Variants in ZFYVE9 observed in about 807,000 individuals in gnomAD.
ZFYVE9 encodes zinc finger FYVE-type containing 9, also known as zinc finger FYVE domain-containing protein 9.
In ZFYVE9, 43 loss-of-function variants were observed where a neutral mutation model predicts 126.7. That is an observed-to-expected ratio of 0.34 (90% confidence interval 0.27 to 0.44). The LOEUF is 0.44. Ranked by LOEUF, ZFYVE9 falls within the 20% of genes least tolerant of loss-of-function variation. The pLI, the probability that ZFYVE9 is intolerant of heterozygous loss-of-function variation, is 1.00. For missense variants in ZFYVE9, 1,476 were observed against 1,697.0 expected, an observed-to-expected ratio of 0.87 and a Z score of 2.29; for synonymous variants, 521 against 597.4, an observed-to-expected ratio of 0.87 and a Z score of 1.87.
rs768192776 is a variant in ZFYVE9, at chr1:52,340,090, A to G, written c.3834-36A>G. The G allele has an allele frequency of 1.5e-5, 24 of 1,563,508 alleles. No individual in the cohort carries two copies. The South Asian group carries it at 1.9e-4, about 12-fold the overall frequency. On this transcript the variant is annotated intron_variant, in intron 16 of 18. Transcript: ENST00000287727. ...AGGAAAAATGGCTTTTCTAACTTCAAGAGCTGCTTCTATCTTTCCTTTGCC... is the reference window on the plus strand; with the variant it reads ...AGGAAAAATGGCTTTTCTAACTTCAGGAGCTGCTTCTATCTTTCCTTTGCC...
At chr1:52,213,309 T>A (rs1316904347) in intron 1 of ZFYVE9, among the ~76,000 whole-genome samples, 1 of 152,238 alleles carries the variant, frequency 6.6e-6, no homozygotes, top group African/African-American at 2.4e-5. Context: ...GCAATAATTT[T>A]ATTTTATTGT....
At chr1:52,340,904 CAAAAAAAAAAA>C (rs10608842) in intron 17 of ZFYVE9, among the ~76,000 whole-genome samples, 1 of 100,678 alleles carries the variant, frequency 9.9e-6, no homozygotes, top group Admixed American at 1.2e-4. Context: ...GACTCCGTCT[CAAAAAAAAAAA>C]AAAAAAAAAA....
At chr1:52,309,244 A>G (rs1482860256) in intron 13 of ZFYVE9, among the ~76,000 whole-genome samples, 2 of 152,210 alleles carry the variant, frequency 1.3e-5, no homozygotes, top group African/African-American at 4.8e-5. Flanking sequence ...TGGGAGGCCA[A>G]GGTGGGCAGA....
chr1:52,147,961 T>C (rs1017800199), intron 1 of ZFYVE9, among the ~76,000 whole-genome samples: 64 of 152,132 alleles, frequency 4.2e-4, no homozygotes, highest in African/African-American at 1.4e-3. Context: ...TTTTTTTTTT[T>C]CAATAGAGGC....
chr1:52,259,811 A>G (rs1243899839), intron 4 of ZFYVE9, among the ~76,000 whole-genome samples: 1 of 151,990 alleles, frequency 6.6e-6, no homozygotes, highest in Non-Finnish European at 1.5e-5. Flanking sequence ...TAAAAAAGAA[A>G]AAGGCCCTAC....
At chr1:52,299,202 A>G (rs527800240) in intron 12 of ZFYVE9, among the ~76,000 whole-genome samples, 2 of 152,182 alleles carry the variant, frequency 1.3e-5, no homozygotes, top group African/African-American at 4.8e-5. Flanking sequence ...GCTACTGTAA[A>G]TGGAATTGTT....
chr1:52,182,027 G>A (rs1039942352), intron 1 of ZFYVE9, among the ~76,000 whole-genome samples: 1 of 151,490 alleles, frequency 6.6e-6, no homozygotes, highest in Non-Finnish European at 1.5e-5. Context: ...CCGGCCAGCC[G>A]CCCCGTCCGG....
At chr1:52,159,465 G>A (rs1644435834) in intron 1 of ZFYVE9, among the ~76,000 whole-genome samples, 3 of 152,204 alleles carry the variant, frequency 2.0e-5, no homozygotes, top group Admixed American at 1.3e-4. Flanking sequence ...GAGTCTCAGA[G>A]TGCGATGCAG....
chr1:52,266,677 G>GAGTGCCTC lies in ZFYVE9; in HGVS notation c.2303_2310dup (p.Ser771ValfsTer31). On this transcript the variant is annotated frameshift_variant, in exon 6 of 19. Transcript: ENST00000287727. LOFTEE classifies it high-confidence loss of function. ...TAGCTCAAGCCTGGGAGAACATGAT[G>GAGTGCCTC]AGTGCCTCAAGCCAGAGCCCTAACC... The GAGTGCCTC allele has an allele frequency of 6.3e-7, 1 of 1,597,538 alleles. No homozygotes were observed. The highest frequency in any genetic ancestry group is 8.5e-7 in the Non-Finnish European group (1 of 1,173,452).
At chr1:52,243,979 G>A (rs1557477518) in intron 4 of ZFYVE9, among the ~76,000 whole-genome samples, 1 of 152,054 alleles carries the variant, frequency 6.6e-6, no homozygotes, top group Non-Finnish European at 1.5e-5. Context: ...GGAAAATATG[G>A]TCTCTTGGAA....
At chr1:52,172,333 G>T (rs1330856634) in intron 1 of ZFYVE9, among the ~76,000 whole-genome samples, 2 of 152,116 alleles carry the variant, frequency 1.3e-5, no homozygotes, top group Non-Finnish European at 2.9e-5. Context: ...TTATTTCTGA[G>T]GGCTCTGTTC....
At chr1:52,147,430 AC>A (rs1409804079) in intron 1 of ZFYVE9, among the ~76,000 whole-genome samples, 2 of 152,198 alleles carry the variant, frequency 1.3e-5, no homozygotes, top group African/African-American at 4.8e-5. Context: ...GCCCTAGGCA[AC>A]CGCTAATGTA....
intron 2 of ZFYVE9, among the ~76,000 whole-genome samples, chr1:52,226,355 G>A (rs1194192786): frequency 6.6e-6 from 1 of 152,068 alleles, no homozygotes; most frequent in East Asian, 1.9e-4. Flanking sequence ...GGCCAACGTG[G>A]TGAAACCCCA....
At chr1:52,257,861 G>A (rs1645537905) in intron 4 of ZFYVE9, among the ~76,000 whole-genome samples, 1 of 152,142 alleles carries the variant, frequency 6.6e-6, no homozygotes, top group Non-Finnish European at 1.5e-5. Context: ...GAGTAGCTGG[G>A]ATTATAGGCG....
rs558798790 is a variant in ZFYVE9, at chr1:52,142,950, A to G, written c.-143+547A>G. Among the ~76,000 whole-genome samples the G allele has an allele frequency of 1.3e-5, 2 of 152,142 alleles. No individual in the cohort carries two copies. Among genetic ancestry groups the G allele is most frequent in the South Asian group, 4.2e-4 (2 of 4,814 alleles). ...CATGGATCTGGCTTGCTCGAGAACA[A>G]CCTTTTGCGTCTTATTTGAGGTGAA... is the stretch of plus-strand genomic sequence containing the variant. On this transcript the variant is annotated intron_variant, in intron 1 of 18. Transcript: ENST00000287727. This position sits in a 1 kb window ranked among gnomAD's most constrained non-coding sequence, Gnocchi z 4.5.
At chr1:52,223,943 G>T (rs892976799) in intron 2 of ZFYVE9, among the ~76,000 whole-genome samples, 3 of 152,146 alleles carry the variant, frequency 2.0e-5, no homozygotes, top group African/African-American at 7.2e-5. Context: ...CATTAATTCA[G>T]CCCAAGTGTA....
At chr1:52,222,425 A>C (rs144716793) in intron 2 of ZFYVE9, among the ~76,000 whole-genome samples, 7 of 152,306 alleles carry the variant, frequency 4.6e-5, no homozygotes, top group Non-Finnish European at 1.0e-4. Flanking sequence ...TATCACCATG[A>C]ACCATTGGTG....
intron 1 of ZFYVE9, among the ~76,000 whole-genome samples, chr1:52,208,807 A>G (rs574443931): frequency 1.8e-4 from 28 of 152,212 alleles, no homozygotes; most frequent in Non-Finnish European, 3.4e-4. Context: ...TGTTGGGATT[A>G]CAGGCATGAA....
intron 12 of ZFYVE9, among the ~76,000 whole-genome samples, chr1:52,302,638 C>A (rs1361798495): frequency 6.6e-6 from 1 of 151,986 alleles, no homozygotes; most frequent in Admixed American, 6.6e-5. Flanking sequence ...GTAATCCCAG[C>A]TACTTGGGAG....
Sources: gnomAD v4.1 joint callset for allele counts (sites outside exome capture counted in the v4.1 genomes callset) on GRCh38, gnomAD v4.1.1 for gene constraint, Gnocchi (gnomAD v3.1) non-coding constraint, MANE v1.5 for transcripts, NCBI Gene and HGNC (gene_info 2026-07-23, HGNC 2026-07-21) for gene names.